The following EPS15L1 variants were observed in gnomAD, a reference collection of about 807,000 sequenced individuals.
EPS15L1 encodes the protein epidermal growth factor receptor pathway substrate 15 like 1.
A neutral mutation model predicts 117.1 loss-of-function variants in EPS15L1; 43 were observed. The observed-to-expected ratio is 0.37, with a 90% confidence interval of 0.29 to 0.47. The LOEUF (loss-of-function observed/expected upper bound fraction) is 0.47. Among genes scored for constraint, EPS15L1 ranks in the 20% least tolerant of loss-of-function variants. The probability of loss-of-function intolerance (pLI) is 0.99; values close to 1 mark genes in which losing one functional copy is unlikely to be tolerated. For synonymous variants in EPS15L1, 459 were observed against 470.5 expected, an observed-to-expected ratio of 0.98 and a Z score of 0.32; for missense variants, 981 against 1,164.0, an observed-to-expected ratio of 0.84 and a Z score of 2.29.
In EPS15L1 at chr19:16,421,384, A is replaced by T. The variant is rs771125223; in HGVS notation, c.885T>A (p.Ser295Arg). The T allele has an allele frequency of 6.2e-7, 1 of 1,614,042 alleles. No homozygotes were observed. Among genetic ancestry groups the T allele is most frequent in the Non-Finnish European group, 8.5e-7 (1 of 1,179,946 alleles). Residue 295 changes from serine (S) to arginine (R), a missense_variant, in exon 10 of 24, where the codon AGT becomes AGA. Around this residue, in one of 5 missense-constraint regions of EPS15L1, gnomAD observed 819 missense variants for 949.0 expected, o/e 0.86. Coordinates refer to ENST00000455140, the MANE Select transcript of EPS15L1 (RefSeq NM_001258374.3). The stretch of plus-strand genomic sequence containing the variant: ...TGAAGATCTCCTTCACCTCCTGGCC[A>T]CTCACGTAGCCATCCAGGTCCAGGT... ...KTDLDLDGYV[S>R]GQEVKEIFMH...
intron 1 of EPS15L1, among the ~76,000 whole-genome samples, chr19:16,450,248 G>C (rs1206903009): frequency 6.6e-6 from 1 of 150,512 alleles, no homozygotes; most frequent in African/African-American, 2.4e-5. Flanking sequence ...TCTTAAAAAA[G>C]AAAAAAAAAG....
At position 16,405,770 on chromosome 19, in the gene EPS15L1, A is replaced by G. The variant is rs1161546664; in HGVS notation, c.1267-1021T>C. Among the ~76,000 whole-genome samples, 1 of 152,232 alleles carries G rather than the reference A, an allele frequency of 6.6e-6. No homozygotes were observed. Among genetic ancestry groups the G allele is most frequent in the African/African-American group, 2.4e-5 (1 of 41,468 alleles). Reference sequence around the variant, plus strand: ...AGGCCCCCTCCAGGAGCTCATGAACAGCACCTCCGGGGATGGGGACACCCA... The same window carrying G: ...AGGCCCCCTCCAGGAGCTCATGAACGGCACCTCCGGGGATGGGGACACCCA... On this transcript the variant is annotated intron_variant, in intron 13 of 23. Transcript: ENST00000455140. The surrounding 1 kb of genome is among the most constrained non-coding windows in gnomAD (Gnocchi z 4.0).
At chr19:16,406,292 TGGAG>T (rs150023256) in intron 13 of EPS15L1, among the ~76,000 whole-genome samples, 3,654 of 152,238 alleles carry the variant, frequency 0.024, 116 homozygotes, top group Admixed American at 0.086. Flanking sequence ...GGGCTGGATC[TGGAG>T]GGGACAATCA....
At position 16,365,556 on chromosome 19, in the gene EPS15L1, G is replaced by A. The variant is rs745950994; in HGVS notation, c.2381-3572C>T. ...GTTTAGGCTGAGATAGAGCAAGTGT[G>A]AGCAGGGAGCCACCAAAGCCACCGG... is the stretch of plus-strand genomic sequence containing the variant. On this transcript the variant is annotated intron_variant, in intron 22 of 23. Coordinates refer to ENST00000455140, the MANE Select transcript of EPS15L1 (RefSeq NM_001258374.3). The surrounding 1 kb of genome is among the most constrained non-coding windows in gnomAD (Gnocchi z 4.9). 5.3e-5 allele frequency among the ~76,000 whole-genome samples: 8 copies of A among 152,214 alleles called. No individual in the cohort carries two copies. The highest frequency in any genetic ancestry group is 1.0e-4 in the Non-Finnish European group (7 of 68,028).
rs781191687 is a variant in EPS15L1, at chr19:16,385,168, A to T, written c.2208T>A (p.Asn736Lys). ...TLDPFGSGSFNSAEGFADFSQ... is the reference protein window; with the variant it reads ...TLDPFGSGSFKSAEGFADFSQ... Reference sequence around the variant, plus strand: ...TGAAGTCGGCAAAGCCTTCAGCACTATTGAAGGACCCACTTCCGAAGGGAT... The same window carrying T: ...TGAAGTCGGCAAAGCCTTCAGCACTTTTGAAGGACCCACTTCCGAAGGGAT... The change falls in exon 21 of 24, where the codon AAT (asparagine) becomes AAA (lysine). Residue 736 changes from asparagine (N) to lysine (K), a missense_variant. By Grantham distance (94) the Asn-to-Lys change is moderately conservative. Transcript: ENST00000455140. 2 of 1,614,182 alleles carry T rather than the reference A, an allele frequency of 1.2e-6. No individual in the cohort carries two copies. The highest frequency in any genetic ancestry group is 2.2e-5 in the South Asian group (2 of 91,086).
In EPS15L1 at chr19:16,361,782, G is replaced by A. The variant is rs754041249; in HGVS notation, c.2583C>T (p.Thr861=). 5.0e-6 allele frequency: 8 copies of A among 1,612,960 alleles called. No homozygotes were observed. In the South Asian group the frequency reaches 7.7e-5, roughly 16 times the overall value. Reference sequence around the variant, plus strand: ...GGAGGCGGAGGACTCAACTTACAGAGGTGAAGTCTGCAAAGCCCGAGGCAG... The same window carrying A: ...GGAGGCGGAGGACTCAACTTACAGAAGTGAAGTCTGCAAAGCCCGAGGCAG... ...KASASGFADF[T]SFGNEEQQLA... The change falls in exon 23 of 24, where the codon ACC becomes ACT. Residue 861 remains threonine, a synonymous_variant. Coordinates refer to ENST00000455140, the MANE Select transcript of EPS15L1 (RefSeq NM_001258374.3).
At position 16,377,837 on chromosome 19, in the gene EPS15L1, G is replaced by A. The variant is rs3786585; in HGVS notation, c.2248-583C>T. ...TGCATCCTCACATGCCCGGCCACCC[G>A]CACTGGTCAGCATGCCCACGCCACC... On this transcript the variant is annotated intron_variant, in intron 21 of 23. Coordinates refer to ENST00000455140, the MANE Select transcript of EPS15L1 (RefSeq NM_001258374.3). Among the ~76,000 whole-genome samples the A allele has an allele frequency of 2.4e-4, 36 of 152,246 alleles. No homozygotes were observed. In the East Asian group the frequency reaches 4.4e-3, roughly 19 times the overall value.
At chr19:16,418,198 G>GACGAAAACA in intron 10 of EPS15L1, 94 bp from the exon 11 acceptor site, 1 of 1,428,162 alleles carries the variant, frequency 7.0e-7, no homozygotes, top group Non-Finnish European at 9.5e-7. Flanking sequence ...AAACGACAGC[G>GACGAAAACA]ACGAAAACAA....
chr19:16,380,588 G>C (rs1279284536), intron 21 of EPS15L1, among the ~76,000 whole-genome samples: 1 of 152,010 alleles, frequency 6.6e-6, no homozygotes, highest in African/African-American at 2.4e-5. Flanking sequence ...TAGTCACACA[G>C]ACGCAGCCAT....
chr19:16,458,034 T>A (rs2093213828), intron 1 of EPS15L1, among the ~76,000 whole-genome samples: 1 of 152,082 alleles, frequency 6.6e-6, no homozygotes, highest in South Asian at 2.1e-4. Flanking sequence ...ACTCCTGGGC[T>A]CCAATGTCCC....
chr19:16,393,404 T>C (rs915456173), intron 18 of EPS15L1, among the ~76,000 whole-genome samples: 1 of 151,616 alleles, frequency 6.6e-6, no homozygotes, highest in African/African-American at 2.4e-5. Context: ...TCCCAGCACT[T>C]TGGGAGACCA....
rs571262443 is a variant in EPS15L1, at chr19:16,393,658, A to T, written c.1966+293T>A. On this transcript the variant is annotated intron_variant, in intron 18 of 23. Coordinates refer to ENST00000455140, the MANE Select transcript of EPS15L1 (RefSeq NM_001258374.3). ...AGCGAGACTCCGTCTCAAAAAAAAA[A>T]AAAATAAAAAATAAATAAATAAATA... Among the ~76,000 whole-genome samples the T allele has an allele frequency of 5.6e-4, 82 of 146,906 alleles. 1 individual carries two copies. In the East Asian group the frequency reaches 0.013, roughly 23 times the overall value.
intron 1 of EPS15L1, among the ~76,000 whole-genome samples, chr19:16,467,303 G>C (rs1012864173): frequency 1.3e-5 from 2 of 151,834 alleles, no homozygotes; most frequent in African/African-American, 4.8e-5. Flanking sequence ...CGTCCGCCAG[G>C]ACGCCAGGCT....
chr19:16,414,248 G>A (rs561967047), intron 12 of EPS15L1, among the ~76,000 whole-genome samples: 430 of 152,126 alleles, frequency 2.8e-3, no homozygotes, highest in Non-Finnish European at 4.8e-3. Flanking sequence ...AAGAGACCTC[G>A]GACCCCCAGC....
intron 6 of EPS15L1, among the ~76,000 whole-genome samples, chr19:16,435,792 G>T (rs2092972545): frequency 6.6e-6 from 1 of 152,128 alleles, no homozygotes; most frequent in Non-Finnish European, 1.5e-5. Flanking sequence ...ATGGAATGCA[G>T]AATCTCTCTC....
At chr19:16,426,620 C>G (rs997968655) in intron 8 of EPS15L1, among the ~76,000 whole-genome samples, 3 of 152,130 alleles carry the variant, frequency 2.0e-5, no homozygotes, top group Non-Finnish European at 4.4e-5. Context: ...GCCTAGATGA[C>G]AGAGTGAGAC....
rs1263053445 is a variant in EPS15L1 at position 16,371,873 on chromosome 19, T to C, written c.2380+5249A>G. Among the ~76,000 whole-genome samples the C allele has an allele frequency of 1.3e-5, 2 of 152,196 alleles. No homozygotes were observed. Among genetic ancestry groups the C allele is most frequent in the African/African-American group, 2.4e-5 (1 of 41,444 alleles). On this transcript the variant is annotated intron_variant, in intron 22 of 23. Coordinates refer to ENST00000455140, the MANE Select transcript of EPS15L1 (RefSeq NM_001258374.3). The surrounding 1 kb of genome is among the most constrained non-coding windows in gnomAD (Gnocchi z 4.7). Reference sequence around the variant, plus strand: ...CCGGTCCGTTGCAGAAAATATACCATTGTTTACCTGGGGGAGGTGTGTGCC... The same window carrying C: ...CCGGTCCGTTGCAGAAAATATACCACTGTTTACCTGGGGGAGGTGTGTGCC...
chr19:16,386,166 C>T lies in EPS15L1; in HGVS notation c.2164+5G>A. On this transcript the variant is annotated splice_donor_5th_base_variant and intron_variant, in intron 20 of 23. Transcript: ENST00000455140. ...TCAGGAAGAAAAATAAGTCATGGGTCTCACCTGATCCTTTTGAGGAGACAC... is the reference window on the plus strand; with the variant it reads ...TCAGGAAGAAAAATAAGTCATGGGTTTCACCTGATCCTTTTGAGGAGACAC... The T allele has an allele frequency of 6.2e-7, 1 of 1,607,754 alleles. No individual in the cohort carries two copies. The highest frequency in any genetic ancestry group is 8.5e-7 in the Non-Finnish European group (1 of 1,174,658).
At chr19:16,422,372 C>T (rs1166839579) in intron 9 of EPS15L1, among the ~76,000 whole-genome samples, 2 of 152,166 alleles carry the variant, frequency 1.3e-5, no homozygotes, top group East Asian at 1.9e-4. Context: ...CCACAGTTCA[C>T]GGCATCTGTG....
Sources: gnomAD v4.1 joint callset for allele counts (sites outside exome capture counted in the v4.1 genomes callset) on GRCh38, gnomAD v4.1.1 for gene constraint, gnomAD v4.1.1 regional missense constraint, Gnocchi (gnomAD v3.1) non-coding constraint, MANE v1.5 for transcripts, NCBI Gene and HGNC (gene_info 2026-07-23, HGNC 2026-07-21) for gene names.